ARHGAP26: variants seen among roughly 807,000 people sequenced by gnomAD.
ARHGAP26 encodes rho GTPase-activating protein 26.
In ARHGAP26, 38 loss-of-function variants were observed where a neutral mutation model predicts 104.8. The observed-to-expected ratio is 0.36, with a 90% CI of 0.28 to 0.48. The LOEUF is 0.48. Ranked by LOEUF, ARHGAP26 falls within the 20% of genes least tolerant of loss-of-function variation. The pLI, the probability that ARHGAP26 is intolerant of heterozygous loss-of-function variation, is 0.99. For missense variants in ARHGAP26, 704 were observed against 947.9 expected (o/e 0.74, Z 3.38); for synonymous variants, 341 against 340.0 (o/e 1.00, Z -0.03).
intron 17 of ARHGAP26, among the ~76,000 whole-genome samples, chr5:143,066,983 G>A (rs371086193): frequency 6.6e-5 from 10 of 151,934 alleles, no homozygotes; most frequent in African/African-American, 2.4e-4. Flanking sequence ...GAAGGAACAA[G>A]CCACGTAGGG....
chr5:142,792,693 G>A (rs1760109398), intron 1 of ARHGAP26, among the ~76,000 whole-genome samples: 1 of 152,176 alleles, frequency 6.6e-6, no homozygotes, highest in Non-Finnish European at 1.5e-5. Flanking sequence ...CACCCCGGCT[G>A]TGCTTTCAGA....
At chr5:142,908,458 C>T (rs1761408947) in intron 9 of ARHGAP26, among the ~76,000 whole-genome samples, 1 of 152,194 alleles carries the variant, frequency 6.6e-6, no homozygotes, top group African/African-American at 2.4e-5. Context: ...CTGCATACTC[C>T]CAGGGCCTCG....
At chr5:143,093,284 G>A (rs901600942) in intron 17 of ARHGAP26, among the ~76,000 whole-genome samples, 2 of 152,010 alleles carry the variant, frequency 1.3e-5, no homozygotes, top group African/African-American at 2.4e-5. Flanking sequence ...AATGCATTTG[G>A]GCCATCTGCG....
intron 17 of ARHGAP26, among the ~76,000 whole-genome samples, chr5:143,095,907 A>C (rs1241576623): frequency 6.6e-6 from 1 of 152,246 alleles, no homozygotes; most frequent in African/African-American, 2.4e-5. Context: ...ATTGTCATAC[A>C]AAAATCAGTC....
chr5:143,191,971 C>T (rs2151258702), intron 20 of ARHGAP26, among the ~76,000 whole-genome samples: 1 of 152,346 alleles, frequency 6.6e-6, no homozygotes, highest in Non-Finnish European at 1.5e-5. Context: ...TGTCTGCCTT[C>T]CCTGTCTGCC....
At chr5:142,787,414 A>C (rs1758889779) in intron 1 of ARHGAP26, among the ~76,000 whole-genome samples, 1 of 152,200 alleles carries the variant, frequency 6.6e-6, no homozygotes, top group Non-Finnish European at 1.5e-5. Context: ...CTAGAAACCT[A>C]TTTGGGGAGG....
intron 4 of ARHGAP26, 58 bp downstream of exon 4, chr5:142,879,503 C>A: frequency 7.0e-7 from 1 of 1,433,244 alleles, no homozygotes; most frequent in Non-Finnish European, 9.5e-7. Context: ...GAAAACATAG[C>A]ACCTTTCTTT....
intron 17 of ARHGAP26, among the ~76,000 whole-genome samples, chr5:143,089,419 CATTT>C (rs1319609491): frequency 1.3e-5 from 2 of 152,222 alleles, no homozygotes; most frequent in Non-Finnish European, 2.9e-5. Flanking sequence ...GTAAAGGGGT[CATTT>C]ACCCCTGAGT....
intron 14 of ARHGAP26, among the ~76,000 whole-genome samples, chr5:143,045,036 T>G (rs755928202): frequency 1.8e-4 from 28 of 152,214 alleles, no homozygotes; most frequent in Admixed American, 3.3e-4. Flanking sequence ...TTTAGACTGG[T>G]TTGCTAATCT....
At chr5:142,899,426 A>G (rs1465919289) in intron 6 of ARHGAP26, among the ~76,000 whole-genome samples, 1 of 152,226 alleles carries the variant, frequency 6.6e-6, no homozygotes, top group African/African-American at 2.4e-5. Context: ...GGTTTTGCTT[A>G]TGGTTATTCT....
At chr5:143,104,463 A>G (rs1177381639) in intron 17 of ARHGAP26, among the ~76,000 whole-genome samples, 2 of 151,778 alleles carry the variant, frequency 1.3e-5, no homozygotes, top group Non-Finnish European at 2.9e-5. Flanking sequence ...GTGAGCCGAG[A>G]TCACACCACT....
In ARHGAP26 at chr5:142,770,811, A is replaced by G. The variant is rs758127804; in HGVS notation, c.50A>G (p.His17Arg). 1 of 1,605,242 alleles carries G rather than the reference A, an allele frequency of 6.2e-7. No individual in the cohort carries two copies. Among genetic ancestry groups the G allele is most frequent in the Non-Finnish European group, 8.5e-7 (1 of 1,175,838 alleles). The change falls in exon 1 of 23, where the codon CAC (histidine) becomes CGC (arginine). Residue 17 changes from histidine (H) to arginine (R), a missense_variant. By Grantham distance (29) the His-to-Arg change is conservative. Coordinates refer to ENST00000645722, the MANE Select transcript of ARHGAP26 (RefSeq NM_001135608.3). ...AGCGACTGCTGCCTCGATAGTCCGC[A>G]CTTCCGAGAGACGCTCAAGTCGCAC... ...EFSDCCLDSP[H>R]FRETLKSHEA...
chr5:142,770,886 A>G lies in ARHGAP26; in HGVS notation c.125A>G (p.Asp42Gly). 3 of 1,610,956 alleles carry G rather than the reference A, an allele frequency of 1.9e-6. No individual in the cohort carries two copies. Among genetic ancestry groups the G allele is most frequent in the Non-Finnish European group, 2.5e-6 (3 of 1,178,414 alleles). The change falls in exon 1 of 23, where the codon GAC becomes GGC. Residue 42 changes from aspartate (D) to glycine (G), a missense_variant. Asp to Gly is a moderately conservative substitution (Grantham distance 94, BLOSUM62 -1). Around this residue, in one of 6 missense-constraint regions of ARHGAP26, gnomAD observed 77 missense variants for 82.6 expected, o/e 0.93. Transcript: ENST00000645722. ...AAATTCATCAAGGAGCTCATCAAGG[A>G]CGGGAAGTCACTCATAAGCGCGCTC... ...TNKFIKELIK[D>G]GKSLISALKN...
At chr5:143,210,253 CA>C (rs1469729047) in intron 21 of ARHGAP26, among the ~76,000 whole-genome samples, 1 of 152,072 alleles carries the variant, frequency 6.6e-6, no homozygotes, top group Non-Finnish European at 1.5e-5. Context: ...TGGATGGCGG[CA>C]GGCAAAAAGA....
intron 20 of ARHGAP26, among the ~76,000 whole-genome samples, chr5:143,191,369 A>AT (rs367776188): frequency 1.3e-4 from 20 of 152,188 alleles, no homozygotes; most frequent in African/African-American, 4.6e-4. Flanking sequence ...CATTCATTAA[A>AT]TTGGCTCTTC....
At chr5:142,789,961 CT>C (rs1458192144) in intron 1 of ARHGAP26, among the ~76,000 whole-genome samples, 10 of 152,306 alleles carry the variant, frequency 6.6e-5, no homozygotes, top group African/African-American at 2.4e-4. Flanking sequence ...GAATCTAGAA[CT>C]GGGGACTGGT....
chr5:142,983,613 G>A (rs1015153100), intron 11 of ARHGAP26, among the ~76,000 whole-genome samples: 1 of 152,142 alleles, frequency 6.6e-6, no homozygotes, highest in Non-Finnish European at 1.5e-5. Flanking sequence ...AGATTTTCAC[G>A]CATTTTTACA....
At chr5:142,980,694 T>C (rs1773820972) in intron 11 of ARHGAP26, among the ~76,000 whole-genome samples, 1 of 152,146 alleles carries the variant, frequency 6.6e-6, no homozygotes, top group African/African-American at 2.4e-5. Flanking sequence ...CTGTCTGGAA[T>C]GTTCTTCTAC....
intron 17 of ARHGAP26, among the ~76,000 whole-genome samples, chr5:143,093,685 T>C (rs1431093371): frequency 3.3e-5 from 5 of 151,980 alleles, no homozygotes. Context: ...CCCTTTCTCC[T>C]CTCTGCTAGT....
Sources: gnomAD v4.1 joint callset for allele counts (sites outside exome capture counted in the v4.1 genomes callset) on GRCh38, gnomAD v4.1.1 for gene constraint, gnomAD v4.1.1 regional missense constraint, MANE v1.5 for transcripts, NCBI Gene and HGNC (gene_info 2026-07-23, HGNC 2026-07-21) for gene names.